OTUD7A: variants seen among roughly 807,000 people sequenced by gnomAD.
The protein encoded by OTUD7A is OTU domain-containing protein 7A.
In OTUD7A, 12 loss-of-function variants were observed where a neutral mutation model predicts 65.7. The observed-to-expected ratio is 0.18, with a 90% confidence interval of 0.12 to 0.30. The LOEUF (loss-of-function observed/expected upper bound fraction) is 0.30. OTUD7A is among the 10% of genes least tolerant of loss of function. The probability of loss-of-function intolerance (pLI) is 1.00; values close to 1 mark genes in which losing one functional copy is unlikely to be tolerated. For missense variants in OTUD7A, 1,148 were observed against 1,304.8 expected (o/e 0.88, Z 1.85); for synonymous variants, 641 against 586.3 (o/e 1.09, Z -1.35).
chr15:31,819,407 A>C (rs1033094663), intron 1 of OTUD7A, among the ~76,000 whole-genome samples: 4 of 152,242 alleles, frequency 2.6e-5, no homozygotes, highest in African/African-American at 9.6e-5. Flanking sequence ...GTCTAAAATT[A>C]TCTAAAAACC....
At chr15:31,754,715 G>T (rs950969517) in intron 1 of OTUD7A, among the ~76,000 whole-genome samples, 44 of 152,114 alleles carry the variant, frequency 2.9e-4, no homozygotes, top group African/African-American at 1.0e-3. Flanking sequence ...ATTGGTCTAT[G>T]TGCCTGTTTT....
At chr15:31,507,500 A>C (rs1298906863) in intron 8 of OTUD7A, among the ~76,000 whole-genome samples, 1 of 152,162 alleles carries the variant, frequency 6.6e-6, no homozygotes, top group Non-Finnish European at 1.5e-5. Flanking sequence ...TTCAAGAATG[A>C]AGTCGCGTGT....
chr15:31,530,388 G>A (rs2042070600), intron 6 of OTUD7A, among the ~76,000 whole-genome samples: 1 of 152,174 alleles, frequency 6.6e-6, no homozygotes, highest in Non-Finnish European at 1.5e-5. Context: ...TTTCAGTAAA[G>A]ATCCCACCTC....
chr15:31,806,046 A>C (rs981996773), intron 1 of OTUD7A, among the ~76,000 whole-genome samples: 1 of 152,246 alleles, frequency 6.6e-6, no homozygotes, highest in Non-Finnish European at 1.5e-5. Flanking sequence ...TAGGAATTAC[A>C]TTCCAACTAA....
intron 10 of OTUD7A, among the ~76,000 whole-genome samples, chr15:31,496,261 G>A (rs1010937768): frequency 1.3e-5 from 2 of 149,132 alleles, no homozygotes; most frequent in South Asian, 2.1e-4. Flanking sequence ...TCGCTCTGTC[G>A]CCCAGGCTGG....
chr15:31,651,845 G>C (rs1055667509), intron 3 of OTUD7A, among the ~76,000 whole-genome samples: 1 of 151,854 alleles, frequency 6.6e-6, no homozygotes, highest in Non-Finnish European at 1.5e-5. Context: ...GAACTTAATG[G>C]AGGCCCAAGC....
At chr15:31,750,422 A>AAAAG in intron 1 of OTUD7A, among the ~76,000 whole-genome samples, 1 of 150,786 alleles carries the variant, frequency 6.6e-6, no homozygotes, top group Non-Finnish European at 1.5e-5. Context: ...AAAAAAAAAA[A>AAAAG]GTCATAGTGC....
intron 1 of OTUD7A, among the ~76,000 whole-genome samples, chr15:31,867,043 A>G (rs1384696747): frequency 6.6e-6 from 1 of 152,140 alleles, no homozygotes; most frequent in African/African-American, 2.4e-5. Flanking sequence ...TTTGGTCTTC[A>G]GTAACACACC....
intron 3 of OTUD7A, among the ~76,000 whole-genome samples, chr15:31,625,185 C>T (rs1311039816): frequency 6.6e-6 from 1 of 152,178 alleles, no homozygotes; most frequent in Admixed American, 6.5e-5. Context: ...AGGCCACCAG[C>T]AGCCCTGCGA....
chr15:31,582,608 G>C (rs1222113493), intron 3 of OTUD7A, among the ~76,000 whole-genome samples: 1 of 151,870 alleles, frequency 6.6e-6, no homozygotes, highest in African/African-American at 2.4e-5. Context: ...TCGTGTAGGG[G>C]AACTCTCATT....
intron 1 of OTUD7A, among the ~76,000 whole-genome samples, chr15:31,812,506 G>C (rs1896445608): frequency 6.6e-6 from 1 of 152,152 alleles, no homozygotes; most frequent in African/African-American, 2.4e-5. Flanking sequence ...CCAAGAAAAT[G>C]CACGCCCTGA....
intron 3 of OTUD7A, among the ~76,000 whole-genome samples, chr15:31,624,284 A>G (rs1890886140): frequency 6.6e-6 from 1 of 152,246 alleles, no homozygotes; most frequent in Non-Finnish European, 1.5e-5. Flanking sequence ...CCTGATTATA[A>G]TCAGCAAAAT....
chr15:31,548,018 A>G (rs1219737323), intron 5 of OTUD7A, among the ~76,000 whole-genome samples: 4 of 152,364 alleles, frequency 2.6e-5, no homozygotes, highest in Middle Eastern at 6.8e-3. Context: ...GCTTCTTGCC[A>G]CGCTTGGTCT....
At chr15:31,527,333 CAG>C in intron 6 of OTUD7A, 25 bp from the exon 7 acceptor site, 1 of 1,611,324 alleles carries the variant, frequency 6.2e-7, no homozygotes, top group Non-Finnish European at 8.5e-7. Flanking sequence ...CCAGGGAGAA[CAG>C]AGGAGAGAAA....
At chr15:31,588,993 T>G (rs1358820561) in intron 3 of OTUD7A, among the ~76,000 whole-genome samples, 1 of 152,134 alleles carries the variant, frequency 6.6e-6, no homozygotes, top group African/African-American at 2.4e-5. Flanking sequence ...TGTTCCACTG[T>G]GGGGTGGGTG....
intron 1 of OTUD7A, among the ~76,000 whole-genome samples, chr15:31,744,150 A>G (rs1894414599): frequency 6.6e-6 from 1 of 152,224 alleles, no homozygotes; most frequent in East Asian, 1.9e-4. Flanking sequence ...CCCTTAAAAA[A>G]GACATAGATG....
chr15:31,713,177 G>A (rs958856970), intron 1 of OTUD7A, among the ~76,000 whole-genome samples: 3 of 152,188 alleles, frequency 2.0e-5, no homozygotes, highest in African/African-American at 7.2e-5. Flanking sequence ...TTACTTCACA[G>A]TATACATGAA....
chr15:31,558,894 C>T, intron 5 of OTUD7A, 75 bp downstream of exon 5: 2 of 1,487,538 alleles, frequency 1.3e-6, no homozygotes, highest in Non-Finnish European at 1.9e-6. Context: ...CCTTCTCTTG[C>T]TCATAGAGTA....
At chr15:31,571,612 TA>T in intron 3 of OTUD7A, among the ~76,000 whole-genome samples, 1 of 152,228 alleles carries the variant, frequency 6.6e-6, no homozygotes. Flanking sequence ...TTATGAGGGT[TA>T]AATGAGAAAA....
Sources: allele counts gnomAD v4.1 joint callset (sites outside exome capture counted in the v4.1 genomes callset), GRCh38; gene constraint gnomAD v4.1.1; transcripts MANE v1.5; gene names NCBI Gene and HGNC (gene_info 2026-07-23, HGNC 2026-07-21).